Variants in CAMK2D observed in about 807,000 individuals in gnomAD.
The protein encoded by CAMK2D is calcium/calmodulin-dependent protein kinase type II subunit delta.
In CAMK2D, 37 loss-of-function variants were observed where a neutral mutation model predicts 84.0. The observed-to-expected ratio is 0.44, with a 90% CI of 0.34 to 0.58. The LOEUF is 0.58. Among genes scored for constraint, CAMK2D ranks in the 20% least tolerant of loss-of-function variants. The probability of loss-of-function intolerance (pLI) is 0.02; values close to 1 mark genes in which losing one functional copy is unlikely to be tolerated. For missense variants in CAMK2D, 448 were observed against 652.5 expected, an observed-to-expected ratio of 0.69 and a Z score of 3.41; for synonymous variants, 202 against 212.5, an observed-to-expected ratio of 0.95 and a Z score of 0.43.
intron 18 of CAMK2D, among the ~76,000 whole-genome samples, chr4:113,459,532 T>A (rs1431384142): frequency 5.9e-5 from 9 of 152,112 alleles, no homozygotes; most frequent in Admixed American, 5.2e-4. Context: ...CCTAATTTTT[T>A]TATATATAGT....
At chr4:113,729,322 G>A (rs554845211) in intron 2 of CAMK2D, among the ~76,000 whole-genome samples, 5 of 152,056 alleles carry the variant, frequency 3.3e-5, no homozygotes, top group Non-Finnish European at 5.9e-5. Context: ...TAAAATCCAC[G>A]TTTCTCACCA....
At chr4:113,578,856 G>A (rs2098795915) in intron 4 of CAMK2D, among the ~76,000 whole-genome samples, 1 of 152,108 alleles carries the variant, frequency 6.6e-6, no homozygotes, top group African/African-American at 2.4e-5. Context: ...CCTGTCCTTT[G>A]GCAGAAAATA....
At chr4:113,568,718 A>G (rs1043862843) in intron 4 of CAMK2D, among the ~76,000 whole-genome samples, 3 of 152,088 alleles carry the variant, frequency 2.0e-5, no homozygotes, top group African/African-American at 7.2e-5. Flanking sequence ...CAACTTCTCT[A>G]TATCCTGGCC....
chr4:113,741,146 T>C (rs986548481), intron 2 of CAMK2D, among the ~76,000 whole-genome samples: 20 of 152,036 alleles, frequency 1.3e-4, no homozygotes, highest in Admixed American at 5.9e-4. Flanking sequence ...GGCCCCAAAG[T>C]GCAAGAGTAG....
At chr4:113,543,819 T>G (rs1012146239) in intron 6 of CAMK2D, among the ~76,000 whole-genome samples, 1 of 151,034 alleles carries the variant, frequency 6.6e-6, no homozygotes, top group Non-Finnish European at 1.5e-5. Context: ...TGAGACAGAG[T>G]CTCGCTCTGT....
chr4:113,657,846 G>T (rs2099209071), intron 3 of CAMK2D, among the ~76,000 whole-genome samples: 1 of 152,158 alleles, frequency 6.6e-6, no homozygotes, highest in African/African-American at 2.4e-5. Flanking sequence ...GTCAAAAATA[G>T]TTATTTCCTT....
intron 2 of CAMK2D, among the ~76,000 whole-genome samples, chr4:113,700,989 C>T (rs918567130): frequency 2.0e-5 from 3 of 152,140 alleles, no homozygotes; most frequent in South Asian, 2.1e-4. Flanking sequence ...AGTTAAACAA[C>T]GTATTCAACT....
intron 8 of CAMK2D, among the ~76,000 whole-genome samples, chr4:113,527,026 T>C (rs563555014): frequency 1.3e-5 from 2 of 152,076 alleles, no homozygotes; most frequent in Non-Finnish European, 2.9e-5. Flanking sequence ...TGGGTTCACT[T>C]TGTGTCTCTG....
At chr4:113,669,606 GT>G (rs1370199140) in intron 2 of CAMK2D, among the ~76,000 whole-genome samples, 9 of 152,294 alleles carry the variant, frequency 5.9e-5, no homozygotes, top group African/African-American at 2.2e-4. Flanking sequence ...TCTCCCCTCA[GT>G]TTTCATACCT....
At chr4:113,458,223 C>T (rs1880529) in intron 18 of CAMK2D, among the ~76,000 whole-genome samples, 98,352 of 151,990 alleles carry the variant, frequency 0.65, 33,043 homozygotes, top group African/African-American at 0.83. Context: ...TCTGGTCTTC[C>T]AGCTCTTTCC....
chr4:113,660,925 A>T (rs1561666647), intron 3 of CAMK2D, among the ~76,000 whole-genome samples: 1 of 151,300 alleles, frequency 6.6e-6, no homozygotes, highest in Non-Finnish European at 1.5e-5. Flanking sequence ...CCTCCCGAGT[A>T]GCTGGGACTA....
At position 113,659,627 on chromosome 4, in the gene CAMK2D, C is replaced by T. The variant is rs545170525; in HGVS notation, c.220+2086G>A. On this transcript the variant is annotated intron_variant, in intron 3 of 20. Transcript: ENST00000511664. Reference sequence around the variant, plus strand: ...CTTAGGAAGGAGGTCTCAGAAGAAACCAAACCTGACAACACCTTCATCTTA... The same window carrying T: ...CTTAGGAAGGAGGTCTCAGAAGAAATCAAACCTGACAACACCTTCATCTTA... Among the ~76,000 whole-genome samples the T allele has an allele frequency of 1.8e-4, 28 of 152,302 alleles. 2 individuals carry two copies. In the South Asian group the frequency reaches 3.9e-3, roughly 21 times the overall value.
intron 2 of CAMK2D, among the ~76,000 whole-genome samples, chr4:113,743,836 A>G (rs1319284423): frequency 6.7e-6 from 1 of 149,736 alleles, no homozygotes; most frequent in Non-Finnish European, 1.5e-5. Flanking sequence ...TTTCTCTTTT[A>G]TCTTCCCTAC....
intron 2 of CAMK2D, among the ~76,000 whole-genome samples, chr4:113,725,649 G>A (rs1164051234): frequency 1.3e-5 from 2 of 151,932 alleles, no homozygotes; most frequent in Non-Finnish European, 2.9e-5. Context: ...ATATTTAAAT[G>A]TACTATCAAC....
At chr4:113,487,101 C>A (rs1391810235) in intron 16 of CAMK2D, among the ~76,000 whole-genome samples, 1 of 152,214 alleles carries the variant, frequency 6.6e-6, no homozygotes, top group Admixed American at 6.5e-5. Context: ...AAGCTCCTCA[C>A]TGAATAATGT....
At chr4:113,565,422 G>T (rs1219885684) in intron 4 of CAMK2D, among the ~76,000 whole-genome samples, 1 of 152,068 alleles carries the variant, frequency 6.6e-6, no homozygotes, top group Non-Finnish European at 1.5e-5. Context: ...AGGCCAAGGC[G>T]GGTGGATCAG....
At chr4:113,747,979 G>A (rs1025836216) in intron 2 of CAMK2D, among the ~76,000 whole-genome samples, 1 of 151,874 alleles carries the variant, frequency 6.6e-6, no homozygotes, top group African/African-American at 2.4e-5. Context: ...CAATATTCTG[G>A]CTTCTCGTGA....
chr4:113,472,546 A>G (rs575315983), intron 16 of CAMK2D, among the ~76,000 whole-genome samples: 2 of 152,236 alleles, frequency 1.3e-5, no homozygotes, highest in South Asian at 4.1e-4. Flanking sequence ...CTAGTATTTG[A>G]GCTTGAGCTT....
At chr4:113,753,112 T>C (rs1327296255) in intron 2 of CAMK2D, among the ~76,000 whole-genome samples, 2 of 152,050 alleles carry the variant, frequency 1.3e-5, no homozygotes, top group African/African-American at 4.8e-5. Context: ...TCTTATCACT[T>C]ACTAATTTTG....
Sources: allele counts gnomAD v4.1 joint callset (sites outside exome capture counted in the v4.1 genomes callset), GRCh38; gene constraint gnomAD v4.1.1; transcripts MANE v1.5; gene names NCBI Gene and HGNC (gene_info 2026-07-23, HGNC 2026-07-21).